TANC1: variants seen among roughly 807,000 people sequenced by gnomAD.
TANC1 encodes protein TANC1.
Under a neutral mutation model 149.7 loss-of-function variants are expected in TANC1, and 77 were observed. The observed-to-expected ratio is 0.51, with a 90% confidence interval of 0.43 to 0.62. The LOEUF (loss-of-function observed/expected upper bound fraction) is 0.62. Ranked by LOEUF, TANC1 falls within the 20% of genes least tolerant of loss-of-function variation. The pLI is 0.00. For synonymous variants in TANC1, 854 were observed against 925.0 expected, an observed-to-expected ratio of 0.92 and a Z score of 1.39; for missense variants, 1,985 against 2,321.8, an observed-to-expected ratio of 0.85 and a Z score of 2.98.
intron 7 of TANC1, among the ~76,000 whole-genome samples, chr2:159,151,177 C>T (rs1366816379): frequency 1.3e-5 from 2 of 152,212 alleles, no homozygotes; most frequent in Non-Finnish European, 2.9e-5. Context: ...TTTTTGCACA[C>T]TTTCTTTCTC....
At position 159,040,338 on chromosome 2, in the gene TANC1, A is replaced by T. The variant is rs181386456; in HGVS notation, c.-15-25558A>T. ...TAGGTTGGGGAAGTTCTCCTGGATA[A>T]TATCCTGAAGAGTGTTTTTCAGCTT... is the stretch of plus-strand genomic sequence containing the variant. On this transcript the variant is annotated intron_variant, in intron 2 of 26. Transcript: ENST00000263635. Among the ~76,000 whole-genome samples, 624 of 152,232 alleles carry T rather than the reference A, an allele frequency of 4.1e-3. 2 individuals are homozygous for T. The highest frequency in any genetic ancestry group is 7.1e-3 in the Non-Finnish European group (483 of 68,012).
intron 1 of TANC1, among the ~76,000 whole-genome samples, chr2:158,996,852 T>C (rs1435144923): frequency 6.6e-6 from 1 of 152,152 alleles, no homozygotes; most frequent in Non-Finnish European, 1.5e-5. Flanking sequence ...AAATAGACTT[T>C]AATTATTTAG....
intron 4 of TANC1, among the ~76,000 whole-genome samples, chr2:159,115,270 A>G (rs2048131991): frequency 6.6e-6 from 1 of 152,096 alleles, no homozygotes; most frequent in South Asian, 2.1e-4. Context: ...CCTATGACAG[A>G]GTTAAGCAGA....
intron 19 of TANC1, 113 bp from the exon 20 acceptor site, chr2:159,217,384 G>C (rs4665042): frequency 0.49 from 671,153 of 1,371,524 alleles, 182,552 homozygotes; most frequent in Non-Finnish European, 0.57. Flanking sequence ...GGTTCAAAGG[G>C]GGAGGACATA....
At chr2:159,104,996 T>C (rs2047023282) in intron 4 of TANC1, among the ~76,000 whole-genome samples, 1 of 37,086 alleles carries the variant, frequency 2.7e-5, no homozygotes, top group Non-Finnish European at 5.4e-5. Flanking sequence ...TTTTTTTTTT[T>C]TTTTTTTTTT....
chr2:159,157,190 CG>C (rs2053529678), intron 7 of TANC1, among the ~76,000 whole-genome samples: 1 of 152,098 alleles, frequency 6.6e-6, no homozygotes, highest in Non-Finnish European at 1.5e-5. Context: ...AGGGTTGGGG[CG>C]GGGGTCCCAC....
At chr2:159,108,071 C>G (rs551934475) in intron 4 of TANC1, among the ~76,000 whole-genome samples, 5 of 152,282 alleles carry the variant, frequency 3.3e-5, no homozygotes, top group African/African-American at 1.2e-4. Flanking sequence ...TATTTCCATG[C>G]CCATCAGTTC....
chr2:159,227,518 G>C, intron 24 of TANC1: 1 of 349,348 alleles, frequency 2.9e-6, no homozygotes, highest in Admixed American at 4.7e-5. Context: ...CATACCAGAA[G>C]GTAATCTGAT....
chr2:159,071,183 G>A (rs1160974861), intron 3 of TANC1, among the ~76,000 whole-genome samples: 1 of 152,176 alleles, frequency 6.6e-6, no homozygotes, highest in Non-Finnish European at 1.5e-5. Context: ...GAGGAAGTAG[G>A]TTCAAGCTGA....
intron 1 of TANC1, among the ~76,000 whole-genome samples, chr2:158,972,936 A>G (rs1163990172): frequency 6.6e-6 from 1 of 152,164 alleles, no homozygotes; most frequent in East Asian, 1.9e-4. Flanking sequence ...GAGGACTTTG[A>G]AGAAGGCTTT....
chr2:159,172,545 A>G (rs1264064385), intron 11 of TANC1, among the ~76,000 whole-genome samples: 1 of 152,242 alleles, frequency 6.6e-6, no homozygotes, highest in African/African-American at 2.4e-5. Context: ...ACTCGCCACA[A>G]ATCCATGCTT....
chr2:159,144,703 C>A (rs1278307057), intron 5 of TANC1, among the ~76,000 whole-genome samples: 1 of 152,070 alleles, frequency 6.6e-6, no homozygotes, highest in African/African-American at 2.4e-5. Flanking sequence ...GGCCAATGTT[C>A]CTTTTTAAAT....
intron 19 of TANC1, among the ~76,000 whole-genome samples, chr2:159,211,781 A>T (rs2058999007): frequency 1.3e-5 from 2 of 152,234 alleles, no homozygotes; most frequent in Admixed American, 1.3e-4. Flanking sequence ...TCATTTGTAA[A>T]CGAGAGCCTT....
intron 19 of TANC1, among the ~76,000 whole-genome samples, chr2:159,209,998 C>T (rs772234425): frequency 6.6e-5 from 10 of 152,132 alleles, no homozygotes; most frequent in Non-Finnish European, 1.5e-4. Context: ...CATGTGAATA[C>T]AAGCAAGTAA....
intron 16 of TANC1, among the ~76,000 whole-genome samples, chr2:159,188,427 G>T (rs768784490): frequency 4.6e-5 from 7 of 152,242 alleles, no homozygotes; most frequent in Non-Finnish European, 8.8e-5. Flanking sequence ...GCCAGGCCAG[G>T]ATGGGGCCAG....
rs546105716 is a variant in TANC1, at chr2:159,138,347, G to A, written c.364+2049G>A. On this transcript the variant is annotated intron_variant, in intron 5 of 26. Coordinates refer to ENST00000263635, the MANE Select transcript of TANC1 (RefSeq NM_033394.3). Reference sequence around the variant, plus strand: ...GATAGCCATGATGTTGGTGGATGCCGCAGCAGGGTGAGCTTTCTCTTGGTT... The same window carrying A: ...GATAGCCATGATGTTGGTGGATGCCACAGCAGGGTGAGCTTTCTCTTGGTT... Among the ~76,000 whole-genome samples the A allele has an allele frequency of 3.3e-4, 51 of 152,250 alleles. 1 individual carries two copies. The highest frequency in any genetic ancestry group is 9.9e-4 in the African/African-American group (41 of 41,516).
intron 5 of TANC1, chr2:159,148,191 T>C (rs909525550): frequency 6.6e-6 from 1 of 152,264 alleles, no homozygotes; most frequent in Non-Finnish European, 1.5e-5. Flanking sequence ...TATTGTTAAG[T>C]TACAGCTTTG....
chr2:159,039,208 A>G (rs577296839), intron 2 of TANC1, among the ~76,000 whole-genome samples: 23 of 152,050 alleles, frequency 1.5e-4, no homozygotes, highest in Non-Finnish European at 1.5e-4. Flanking sequence ...CCCCTTTATC[A>G]TTTTTTATTG....
At chr2:159,054,749 CTT>C in intron 2 of TANC1, among the ~76,000 whole-genome samples, 1 of 152,182 alleles carries the variant, frequency 6.6e-6, no homozygotes, top group Non-Finnish European at 1.5e-5. Context: ...CTCAAGGTCT[CTT>C]TTCATAGTAA....
Sources: allele counts gnomAD v4.1 joint callset (sites outside exome capture counted in the v4.1 genomes callset), GRCh38; gene constraint gnomAD v4.1.1; transcripts MANE v1.5; gene names NCBI Gene and HGNC (gene_info 2026-07-23, HGNC 2026-07-21).